Variants in LPCAT3 observed in about 807,000 individuals in gnomAD.
The protein encoded by LPCAT3 is lysophospholipid acyltransferase 5.
In LPCAT3, 21 loss-of-function variants were observed where a neutral mutation model predicts 63.4. That is an observed-to-expected ratio of 0.33 (90% CI 0.23 to 0.48). The LOEUF is 0.48. Among genes scored for constraint, LPCAT3 ranks in the 20% least tolerant of loss-of-function variants. The pLI is 0.99. For missense variants in LPCAT3, 451 were observed against 590.6 expected (o/e 0.76, Z 2.45); for synonymous variants, 242 against 227.5 (o/e 1.06, Z -0.58).
intron 1 of LPCAT3, among the ~76,000 whole-genome samples, chr12:7,011,014 A>G (rs73264665): frequency 0.067 from 10,229 of 152,056 alleles, 438 homozygotes; most frequent in African/African-American, 0.098. Flanking sequence ...ATTAAAAACA[A>G]AATTTATTTA....
At chr12:7,004,178 G>A (rs916222768) in intron 1 of LPCAT3, among the ~76,000 whole-genome samples, 21 of 152,038 alleles carry the variant, frequency 1.4e-4, no homozygotes, top group Admixed American at 9.2e-4. Context: ...AGTAGATGGA[G>A]TTTTTTTAAA....
At chr12:6,982,556 A>G (rs1255934738) in intron 3 of LPCAT3, 120 bp downstream of exon 3, 1 of 697,762 alleles carries the variant, frequency 1.4e-6, no homozygotes, top group Non-Finnish European at 2.5e-6. Context: ...CATACTGCTA[A>G]GTGCTGGGAG....
At chr12:7,012,055 C>G (rs144734035) in intron 1 of LPCAT3, among the ~76,000 whole-genome samples, 1 of 152,126 alleles carries the variant, frequency 6.6e-6, no homozygotes, top group Non-Finnish European at 1.5e-5. Context: ...TTTTAAAGGT[C>G]GCTAACTTTA....
intron 1 of LPCAT3, chr12:7,001,383 T>A (rs781303555): frequency 1.1e-5 from 5 of 453,278 alleles, no homozygotes; most frequent in East Asian, 1.4e-4. Context: ...ATCCTAGATT[T>A]AAAAAAAATA....
chr12:7,008,872 G>A (rs1355939915), intron 1 of LPCAT3, among the ~76,000 whole-genome samples: 3 of 152,052 alleles, frequency 2.0e-5, no homozygotes, highest in Non-Finnish European at 4.4e-5. Context: ...TAATAACAAT[G>A]TGAACATAAT....
chr12:6,989,241 C>T (rs1946563251), intron 1 of LPCAT3, among the ~76,000 whole-genome samples: 1 of 151,840 alleles, frequency 6.6e-6, no homozygotes, highest in Non-Finnish European at 1.5e-5. Flanking sequence ...CTTTAGTACA[C>T]TCCAAACCTG....
chr12:7,011,619 G>A (rs1946764574), intron 1 of LPCAT3, among the ~76,000 whole-genome samples: 1 of 135,322 alleles, frequency 7.4e-6, no homozygotes, highest in African/African-American at 2.9e-5. Flanking sequence ...CTGCACTCCA[G>A]CCTGAATGAC....
At chr12:7,009,732 C>A (rs1438129493) in intron 1 of LPCAT3, among the ~76,000 whole-genome samples, 1 of 152,106 alleles carries the variant, frequency 6.6e-6, no homozygotes, top group Non-Finnish European at 1.5e-5. Context: ...TTACAACATC[C>A]CAATGAGCAA....
chr12:7,014,167 T>G (rs1946782825), intron 1 of LPCAT3, among the ~76,000 whole-genome samples: 2 of 152,210 alleles, frequency 1.3e-5, no homozygotes, highest in African/African-American at 2.4e-5. Flanking sequence ...TGCTTAAAAT[T>G]TATTGGGGTT....
At chr12:6,996,798 C>A (rs1385379571) in intron 1 of LPCAT3, among the ~76,000 whole-genome samples, 2 of 152,186 alleles carry the variant, frequency 1.3e-5, no homozygotes, top group East Asian at 1.9e-4. Flanking sequence ...AAAGAGAAAT[C>A]AATCTCGACC....
At chr12:6,994,171 C>T (rs1423350672) in intron 1 of LPCAT3, among the ~76,000 whole-genome samples, 1 of 152,112 alleles carries the variant, frequency 6.6e-6, no homozygotes, top group South Asian at 2.1e-4. Flanking sequence ...TTTCAATTCT[C>T]TTGGGTATAT....
chr12:7,015,816 G>A (rs1565607763), intron 1 of LPCAT3, among the ~76,000 whole-genome samples: 1 of 152,160 alleles, frequency 6.6e-6, no homozygotes, highest in Non-Finnish European at 1.5e-5. Flanking sequence ...GAGAGAAGAT[G>A]AGAGAAGAGG....
chr12:6,978,939 T>C (rs1199758796), intron 7 of LPCAT3: 3 of 478,946 alleles, frequency 6.3e-6, no homozygotes, highest in Non-Finnish European at 1.1e-5. Flanking sequence ...TTCTCTACTG[T>C]TTGCCTTCGT....
chr12:6,997,735 C>T (rs1456603053), intron 1 of LPCAT3, among the ~76,000 whole-genome samples: 1 of 151,738 alleles, frequency 6.6e-6, no homozygotes, highest in Non-Finnish European at 1.5e-5. Flanking sequence ...TACAGGCAGG[C>T]GCCACCACAC....
At chr12:6,995,137 A>G (rs1361049172) in intron 1 of LPCAT3, among the ~76,000 whole-genome samples, 1 of 146,432 alleles carries the variant, frequency 6.8e-6, no homozygotes, top group Non-Finnish European at 1.5e-5. Flanking sequence ...TTTTTTTTTT[A>G]AATTAACAGT....
intron 1 of LPCAT3, among the ~76,000 whole-genome samples, chr12:6,996,184 C>T (rs1946634644): frequency 6.6e-6 from 1 of 152,336 alleles, no homozygotes; most frequent in South Asian, 2.1e-4. Flanking sequence ...AAAGCTTTCC[C>T]TTCCTGGAAT....
intron 1 of LPCAT3, chr12:6,997,425 G>GTA (rs1565603354): frequency 7.0e-6 from 1 of 143,474 alleles, no homozygotes; most frequent in African/African-American, 2.9e-5. Flanking sequence ...GTGTGTGTGT[G>GTA]TGTTTCAAGA....
At position 6,976,238 on chromosome 12, in the gene LPCAT3, A is replaced by G. The variant is rs1485545866; in HGVS notation, c.*666T>C. On this transcript the variant is annotated 3_prime_UTR_variant, in exon 13 of 13. Transcript: ENST00000261407. ...TATCTAATACAGTTCCAAGGTAGAAAAAGTGGAGCAGGCAGGGCCTTGCAC... is the reference window on the plus strand; with the variant it reads ...TATCTAATACAGTTCCAAGGTAGAAGAAGTGGAGCAGGCAGGGCCTTGCAC... The G allele has an allele frequency of 6.4e-6, 1 of 157,340 alleles. No homozygotes were observed. Among genetic ancestry groups the G allele is most frequent in the Non-Finnish European group, 1.4e-5 (1 of 71,400 alleles). The allele number at this position is 157,340 out of a possible 1,614,324, so 9.7% of individuals were successfully genotyped here. A position where few individuals can be genotyped will look rare whatever the true frequency, so the allele number is the denominator to read the frequency against.
chr12:7,010,764 A>C (rs1300819883), intron 1 of LPCAT3, among the ~76,000 whole-genome samples: 1 of 152,218 alleles, frequency 6.6e-6, no homozygotes, highest in Non-Finnish European at 1.5e-5. Flanking sequence ...CGATAAAGTT[A>C]TACTGGAATT....
Sources: gnomAD v4.1 joint callset for allele counts (sites outside exome capture counted in the v4.1 genomes callset) on GRCh38, gnomAD v4.1.1 for gene constraint, MANE v1.5 for transcripts, NCBI Gene and HGNC (gene_info 2026-07-23, HGNC 2026-07-21) for gene names.